Variants in SLC24A4 observed in about 807,000 individuals in gnomAD.
SLC24A4 encodes sodium/potassium/calcium exchanger 4.
A neutral mutation model predicts 79.0 loss-of-function variants in SLC24A4; 53 were observed. The ratio of observed to expected loss-of-function variants is 0.67; its 90% CI spans 0.54 to 0.84. The LOEUF is 0.84. Ranked by LOEUF, SLC24A4 falls within the 40% of genes least tolerant of loss-of-function variation. SLC24A4 has a pLI of 0.00. For missense variants in SLC24A4, 731 were observed against 822.0 expected, an observed-to-expected ratio of 0.89 and a Z score of 1.35; for synonymous variants, 323 against 323.8, an observed-to-expected ratio of 1.00 and a Z score of 0.03.
At position 92,389,677 on chromosome 14, in the gene SLC24A4, C is replaced by T. The variant is rs562861896; in HGVS notation, c.242-44235C>T. 7.9e-5 allele frequency among the ~76,000 whole-genome samples: 12 copies of T among 152,318 alleles called. No individual in the cohort carries two copies. In the South Asian group the frequency reaches 2.1e-3, roughly 26 times the overall value. On this transcript the variant is annotated intron_variant, in intron 2 of 16. Coordinates refer to ENST00000532405, the MANE Select transcript of SLC24A4 (RefSeq NM_153646.4). ...AGGGTCTGATACTTGGCCCAAGTCA[C>T]CTGGCTCCTCGGTGGCAAAGCCACA... is the stretch of plus-strand genomic sequence containing the variant.
chr14:92,444,378 T>C (rs1011841326), intron 7 of SLC24A4, among the ~76,000 whole-genome samples: 2 of 152,124 alleles, frequency 1.3e-5, no homozygotes, highest in African/African-American at 4.8e-5. Flanking sequence ...GCCCAAGTTA[T>C]GGGCTGGCAC....
At chr14:92,478,105 C>T (rs1057471450) in intron 12 of SLC24A4, among the ~76,000 whole-genome samples, 7 of 152,174 alleles carry the variant, frequency 4.6e-5, no homozygotes, top group African/African-American at 1.7e-4. Context: ...CTGTGCCCAG[C>T]CCCAGCCTCA....
In SLC24A4 at chr14:92,430,873, G is replaced by A. The variant is rs117334571; in HGVS notation, c.242-3039G>A. Among the ~76,000 whole-genome samples the A allele has an allele frequency of 1.2e-3, 190 of 152,310 alleles. 1 individual carries two copies. The East Asian group carries it at 0.032, about 25-fold the overall frequency. On this transcript the variant is annotated intron_variant, in intron 2 of 16. Coordinates refer to ENST00000532405, the MANE Select transcript of SLC24A4 (RefSeq NM_153646.4). ...TTAAGGATGACCTCAAAAGCCGTGT[G>A]TATGTTCCCTGCTGATCCCTCCCTC...
chr14:92,425,104 G>C (rs926677943), intron 2 of SLC24A4, among the ~76,000 whole-genome samples: 2 of 152,212 alleles, frequency 1.3e-5, no homozygotes, highest in African/African-American at 4.8e-5. Flanking sequence ...AGGAGGAAGA[G>C]ACACCAGCAG....
intron 14 of SLC24A4, among the ~76,000 whole-genome samples, chr14:92,489,189 G>A (rs1354707736): frequency 1.3e-5 from 2 of 152,194 alleles, no homozygotes; most frequent in East Asian, 3.9e-4. Flanking sequence ...TGTAATCCCA[G>A]CACTTTGGGA....
chr14:92,456,606 C>A lies in SLC24A4; in HGVS notation c.1253C>A (p.Pro418Gln). The A allele has an allele frequency of 6.2e-7, 1 of 1,613,018 alleles. No homozygotes were observed. The highest frequency in any genetic ancestry group is 1.1e-5 in the South Asian group (1 of 91,016). Residue 418 changes from proline to glutamine, a missense_variant and splice_region_variant, in exon 12 of 17, where the codon CCG becomes CAG. Coordinates refer to ENST00000532405, the MANE Select transcript of SLC24A4 (RefSeq NM_153646.4). Reference protein sequence around the residue: ...EADFLSPFSVPEARGDKVKWV... With the variant: ...EADFLSPFSVQEARGDKVKWV... ...GACTTCCTGTCCCCCTTCTCCGTGC[C>A]GGGTGAGTTCTGGGGGTACTGGACT...
intron 9 of SLC24A4, among the ~76,000 whole-genome samples, chr14:92,448,380 A>ACACACACACACACACACACT (rs60919801): frequency 6.7e-6 from 1 of 150,230 alleles, no homozygotes; most frequent in Non-Finnish European, 1.5e-5. Context: ...ACACACACAC[A>ACACACACACACACACACACT]AATCCCTACT....
At chr14:92,445,250 C>T (rs764585603) in intron 7 of SLC24A4, 67 bp from the exon 8 acceptor site, 10 of 1,588,406 alleles carry the variant, frequency 6.3e-6, no homozygotes, top group African/African-American at 1.3e-5. Flanking sequence ...CCTGGGTGTC[C>T]GTGCTTGTTC....
chr14:92,448,934 C>A, intron 9 of SLC24A4, 140 bp from the exon 10 acceptor site: 2 of 977,778 alleles, frequency 2.0e-6, no homozygotes, highest in East Asian at 2.6e-5. Context: ...AGTTGAAAAG[C>A]TGAGGCTCCA....
chr14:92,340,589 G>A (rs546930766), intron 2 of SLC24A4, among the ~76,000 whole-genome samples: 1 of 152,222 alleles, frequency 6.6e-6, no homozygotes, highest in Non-Finnish European at 1.5e-5. Context: ...AAACCTGCAG[G>A]GGGCTGGGCT....
At position 92,490,425 on chromosome 14, in the gene SLC24A4, G is replaced by A. The variant is rs539754810; in HGVS notation, c.1538-1240G>A. ...ACAGCTGGACAGGAAGGGGAAGGACGAGGACATGGGCCCCAGCCTCTGATG... is the reference window on the plus strand; with the variant it reads ...ACAGCTGGACAGGAAGGGGAAGGACAAGGACATGGGCCCCAGCCTCTGATG... On this transcript the variant is annotated intron_variant, in intron 14 of 16. Coordinates refer to ENST00000532405, the MANE Select transcript of SLC24A4 (RefSeq NM_153646.4). This position sits in a 1 kb window ranked among gnomAD's most constrained non-coding sequence, Gnocchi z 4.3. Among the ~76,000 whole-genome samples, 3 of 152,318 alleles carry A rather than the reference G, an allele frequency of 2.0e-5. No homozygotes were observed. The highest frequency in any genetic ancestry group is 6.5e-5 in the Admixed American group (1 of 15,296).
At chr14:92,379,578 T>TC (rs1453562964) in intron 2 of SLC24A4, among the ~76,000 whole-genome samples, 3 of 152,010 alleles carry the variant, frequency 2.0e-5, no homozygotes, top group African/African-American at 7.2e-5. Flanking sequence ...CTCTGGCGTC[T>TC]CCCCTTTCCT....
intron 2 of SLC24A4, among the ~76,000 whole-genome samples, chr14:92,337,598 C>G (rs1335746067): frequency 6.6e-6 from 1 of 152,186 alleles, no homozygotes; most frequent in South Asian, 2.1e-4. Flanking sequence ...CTGCTCCTGC[C>G]CTTGCTGTAT....
intron 2 of SLC24A4, among the ~76,000 whole-genome samples, chr14:92,326,373 C>T (rs755085067): frequency 2.6e-5 from 4 of 152,134 alleles, no homozygotes; most frequent in Non-Finnish European, 4.4e-5. Context: ...GGCAATGGTG[C>T]TTTGAGGTGG....
At chr14:92,337,783 C>T (rs539117775) in intron 2 of SLC24A4, among the ~76,000 whole-genome samples, 16 of 152,292 alleles carry the variant, frequency 1.1e-4, no homozygotes, top group East Asian at 3.9e-4. Context: ...GGGTTCTGAG[C>T]GCTGACTTGT....
chr14:92,415,950 C>T (rs1197540868), intron 2 of SLC24A4, among the ~76,000 whole-genome samples: 1 of 152,170 alleles, frequency 6.6e-6, no homozygotes, highest in Non-Finnish European at 1.5e-5. Context: ...TCCCCAAAGT[C>T]ATCCTTATGC....
chr14:92,449,057 C>T lies in SLC24A4; in HGVS notation c.738-17C>T. ...TCCTTTCCATTGCCCTGACCTCCTG[C>T]CTCCCCTCGCTTCCAGGTACAATGT... On this transcript the variant is annotated splice_polypyrimidine_tract_variant and intron_variant, in intron 9 of 16. Coordinates refer to ENST00000532405, the MANE Select transcript of SLC24A4 (RefSeq NM_153646.4). 1 of 1,613,728 alleles carries T rather than the reference C, an allele frequency of 6.2e-7. No homozygotes were observed. The highest frequency in any genetic ancestry group is 2.2e-5 in the East Asian group (1 of 44,880).
In SLC24A4 at chr14:92,329,976, A is replaced by G. The variant is rs549595677; in HGVS notation, c.241+3998A>G. ...TTTATAGGAATCTTTTGAAATGCCC[A>G]GGCCCCACTCCCAGAGTGTCTGATT... On this transcript the variant is annotated intron_variant, in intron 2 of 16. Transcript: ENST00000532405. 7.7e-4 allele frequency among the ~76,000 whole-genome samples: 117 copies of G among 152,346 alleles called. 2 individuals are homozygous for G. The South Asian group carries it at 0.023, about 30-fold the overall frequency.
At chr14:92,466,836 A>G (rs1343556442) in intron 12 of SLC24A4, among the ~76,000 whole-genome samples, 2 of 152,230 alleles carry the variant, frequency 1.3e-5, no homozygotes, top group Non-Finnish European at 2.9e-5. Flanking sequence ...ACCTGGTACT[A>G]TCTCCCATTG....
Sources: gnomAD v4.1 joint callset for allele counts (sites outside exome capture counted in the v4.1 genomes callset) on GRCh38, gnomAD v4.1.1 for gene constraint, Gnocchi (gnomAD v3.1) non-coding constraint, MANE v1.5 for transcripts, NCBI Gene and HGNC (gene_info 2026-07-23, HGNC 2026-07-21) for gene names.